The following CFAP47 variants were observed in gnomAD, a reference collection of about 807,000 sequenced individuals.
The protein encoded by CFAP47 is cilia- and flagella-associated protein 47.
CFAP47 carries 29 observed loss-of-function variants against 148.1 expected under a neutral mutation model. That is an observed-to-expected ratio of 0.20 (90% confidence interval 0.15 to 0.27). CFAP47 has a LOEUF of 0.27. Among genes scored for constraint, CFAP47 ranks in the 10% least tolerant of loss-of-function variants. CFAP47 has a pLI of 1.00. For missense variants in CFAP47, 1,872 were observed against 1,697.5 expected, an observed-to-expected ratio of 1.10 and a Z score of -1.81; for synonymous variants, 664 against 577.3, an observed-to-expected ratio of 1.15 and a Z score of -2.15.
intron 37 of CFAP47, among the ~76,000 whole-genome samples, chrX:36,152,584 A>T (rs2146844120): frequency 9.0e-6 from 1 of 111,218 alleles, no homozygotes; most frequent in East Asian, 2.9e-4. Flanking sequence ...AGTAGCACCC[A>T]CTGTGTGGCT....
intron 62 of CFAP47, among the ~76,000 whole-genome samples, chrX:36,368,848 T>A (rs1473970287): frequency 9.0e-6 from 1 of 111,622 alleles, no homozygotes; most frequent in Non-Finnish European, 1.9e-5. Context: ...ATTGTTATTA[T>A]GTATTTTTTC....
At chrX:36,214,469 A>G (rs1940137633) in intron 45 of CFAP47, among the ~76,000 whole-genome samples, 2 of 111,247 alleles carry the variant, frequency 1.8e-5, no homozygotes, top group Middle Eastern at 9.2e-3. Flanking sequence ...TAATAAATTA[A>G]TCTTGGCTTA....
rs1481689640 is a variant in CFAP47 at position 35,919,947 on chromosome X, C to T, written c.148C>T (p.Leu50=). Residue 50 remains leucine, a synonymous_variant, in exon 1 of 64, where the codon CTG becomes TTG. Coordinates refer to ENST00000378653, the MANE Select transcript of CFAP47 (RefSeq NM_001304548.2). ...GGTGATCCCGGCTGAGGTGAAGTTC[C>T]TGGACACGATGGCCGGGAGGGTGTA... ...LRVIPAEVKF[L]DTMAGRVYRL... The T allele has an allele frequency of 5.8e-6, 7 of 1,211,236 alleles. No individual in the cohort carries two copies. The South Asian group carries it at 1.1e-4, about 18-fold the overall frequency.
intron 37 of CFAP47, among the ~76,000 whole-genome samples, chrX:36,153,493 A>ACCCTGAG (rs1263687166): frequency 1.8e-5 from 2 of 111,102 alleles, no homozygotes; most frequent in Admixed American, 9.5e-5. Context: ...GGTTGTGGTT[A>ACCCTGAG]CCCTGAGCTG....
chrX:36,026,320 A>G (rs1937216208), intron 22 of CFAP47, among the ~76,000 whole-genome samples: 1 of 111,828 alleles, frequency 8.9e-6, no homozygotes, highest in Non-Finnish European at 1.9e-5. Flanking sequence ...GTGTATATTT[A>G]AGATGTACAA....
intron 1 of CFAP47, among the ~76,000 whole-genome samples, chrX:35,920,384 C>T (rs1935559559): frequency 8.9e-6 from 1 of 111,840 alleles, no homozygotes; most frequent in African/African-American, 3.2e-5. Flanking sequence ...ATTATGAGAA[C>T]AAAATTCTCT....
chrX:35,954,966 G>A (rs996589053), intron 7 of CFAP47, among the ~76,000 whole-genome samples: 2 of 111,994 alleles, frequency 1.8e-5, no homozygotes, highest in African/African-American at 3.2e-5. Flanking sequence ...GTTTCACTTT[G>A]TATCTGTAAT....
intron 49 of CFAP47, among the ~76,000 whole-genome samples, chrX:36,276,171 T>A (rs1287180998): frequency 9.0e-6 from 1 of 110,953 alleles, no homozygotes; most frequent in Non-Finnish European, 1.9e-5. Context: ...TATATAACTC[T>A]TCACTGTGCT....
chrX:36,145,656 A>G (rs1029794295), intron 36 of CFAP47, among the ~76,000 whole-genome samples: 7 of 111,391 alleles, frequency 6.3e-5, no homozygotes, highest in Non-Finnish European at 9.4e-5. Flanking sequence ...GATAAGATTC[A>G]TGTTTATTCC....
At chrX:36,360,925 G>A (rs782239910) in intron 60 of CFAP47, among the ~76,000 whole-genome samples, 18 of 111,772 alleles carry the variant, frequency 1.6e-4, no homozygotes, top group Admixed American at 3.8e-4. Context: ...TTAATTCAAA[G>A]CAAGTTTTAA....
At chrX:36,373,453 G>A (rs781815714) in intron 62 of CFAP47, among the ~76,000 whole-genome samples, 1 of 109,313 alleles carries the variant, frequency 9.1e-6, no homozygotes, top group South Asian at 3.8e-4. Flanking sequence ...GTGCGTGTGT[G>A]TTTGTGTGTG....
At chrX:35,941,456 T>C in intron 3 of CFAP47, 58 bp downstream of exon 3, 1 of 600,997 alleles carries the variant, frequency 1.7e-6, no homozygotes, top group Non-Finnish European at 2.5e-6. Context: ...TTATTTGAAA[T>C]GTATACCTTG....
At chrX:36,137,341 G>T (rs1939061602) in intron 33 of CFAP47, among the ~76,000 whole-genome samples, 1 of 111,130 alleles carries the variant, frequency 9.0e-6, no homozygotes, top group African/African-American at 3.3e-5. Context: ...CCCAATATAG[G>T]TCAGTATTTC....
At chrX:35,947,724 G>GT (rs1936104269) in intron 3 of CFAP47, among the ~76,000 whole-genome samples, 1 of 111,159 alleles carries the variant, frequency 9.0e-6, no homozygotes, top group East Asian at 2.9e-4. Flanking sequence ...CACAGTAGTT[G>GT]TGTGACCTTG....
At chrX:36,114,039 T>A (rs1331718259) in intron 33 of CFAP47, among the ~76,000 whole-genome samples, 1 of 110,683 alleles carries the variant, frequency 9.0e-6, no homozygotes, top group Admixed American at 9.6e-5. Context: ...CTCGATCTGC[T>A]GACCTCGTGA....
At position 36,145,248 on chromosome X, in the gene CFAP47, C is replaced by T. The variant is rs1939217136; in HGVS notation, c.5565C>T (p.Ile1855=). ...CAGACATCTGTGACCCAAATCCAAT[C>T]CTGATGCTCATGCTTTGTGTCTACA... ...QATDICDPNP[I]LMLMLCVYMY... Residue 1855 remains isoleucine, a synonymous_variant, in exon 36 of 64, where the codon ATC becomes ATT. Transcript: ENST00000378653. 2 of 300,756 alleles carry T rather than the reference C, an allele frequency of 6.6e-6. No individual in the cohort carries two copies. Among genetic ancestry groups the T allele is most frequent in the Admixed American group, 1.2e-4 (2 of 17,238 alleles). 24.8% of individuals were successfully genotyped at this position (300,756 alleles called of 1,213,427 possible). A position where few individuals can be genotyped will look rare whatever the true frequency, so the allele number is the denominator to read the frequency against.
intron 2 of CFAP47, among the ~76,000 whole-genome samples, chrX:35,940,824 T>C (rs950525175): frequency 3.6e-5 from 4 of 111,681 alleles, no homozygotes; most frequent in African/African-American, 1.3e-4. Flanking sequence ...GTATATAAGA[T>C]GATAATGGAT....
intron 26 of CFAP47, among the ~76,000 whole-genome samples, chrX:36,048,825 A>G (rs1937496851): frequency 8.9e-6 from 1 of 112,101 alleles, no homozygotes; most frequent in Non-Finnish European, 1.9e-5. Flanking sequence ...TGATGTGAAT[A>G]AGGAGTATTA....
At chrX:36,371,739 T>TACACAC (rs200743716) in intron 62 of CFAP47, among the ~76,000 whole-genome samples, 2,357 of 58,461 alleles carry the variant, frequency 0.04, 199 homozygotes, top group Non-Finnish European at 0.062. Flanking sequence ...TGTGTGTATA[T>TACACAC]ATGTGTGTAT....
Sources: gnomAD v4.1 joint callset for allele counts (sites outside exome capture counted in the v4.1 genomes callset) on GRCh38, gnomAD v4.1.1 for gene constraint, MANE v1.5 for transcripts, NCBI Gene and HGNC (gene_info 2026-07-23, HGNC 2026-07-21) for gene names.